The following PKD2L2 variants were observed in gnomAD, a reference collection of about 807,000 sequenced individuals.
The protein encoded by PKD2L2 is polycystin 2 like 2, transient receptor potential cation channel.
PKD2L2 carries 67 observed loss-of-function variants against 83.9 expected under a neutral mutation model. The ratio of observed to expected loss-of-function variants is 0.80; its 90% CI spans 0.66 to 0.98. PKD2L2 has a LOEUF of 0.98. Among genes scored for constraint, PKD2L2 ranks in the 50% least tolerant of loss-of-function variants. The pLI, the probability that PKD2L2 is intolerant of heterozygous loss-of-function variation, is 0.00. For synonymous variants in PKD2L2, 223 were observed against 237.8 expected, an observed-to-expected ratio of 0.94 and a Z score of 0.57; for missense variants, 632 against 717.2, an observed-to-expected ratio of 0.88 and a Z score of 1.36.
chr5:137,925,219 G>T (rs1198888887), intron 11 of PKD2L2, 115 bp downstream of exon 11: 1 of 673,716 alleles, frequency 1.5e-6, no homozygotes, highest in Admixed American at 2.7e-5. Flanking sequence ...ATAGAGATGG[G>T]GTTTCACCAT....
intron 4 of PKD2L2, among the ~76,000 whole-genome samples, chr5:137,898,515 T>G (rs896698227): frequency 3.9e-5 from 6 of 152,190 alleles, no homozygotes; most frequent in Non-Finnish European, 7.3e-5. Flanking sequence ...CGTCATTTTC[T>G]AGATTCTAAG....
chr5:137,899,489 C>A, intron 4 of PKD2L2, 27 bp from the exon 5 acceptor site: 1 of 1,349,544 alleles, frequency 7.4e-7, no homozygotes, highest in Non-Finnish European at 1.1e-6. Flanking sequence ...TTTGTCATTT[C>A]ACCATTATTC....
chr5:137,939,812 A>G, intron 14 of PKD2L2: 2 of 1,211,010 alleles, frequency 1.7e-6, no homozygotes, highest in Non-Finnish European at 2.1e-6. Context: ...TGTAAGAAAA[A>G]GGCAACAGAA....
chr5:137,890,592 CAG>C lies in PKD2L2; in HGVS notation c.133+12_133+13del. 8.9e-7 allele frequency: 1 copy of C among 1,119,532 alleles called. No individual in the cohort carries two copies. Among genetic ancestry groups the C allele is most frequent in the South Asian group, 1.5e-5 (1 of 66,720 alleles). 69.3% of individuals were successfully genotyped at this position (1,119,532 alleles called of 1,614,324 possible). A position where few individuals can be genotyped will look rare whatever the true frequency, so the allele number is the denominator to read the frequency against. On this transcript the variant is annotated intron_variant, in intron 2 of 14. Transcript: ENST00000508883. Reference sequence around the variant, plus strand: ...ATAAACCTATGTATATGTAAGTACACAGATATAAAGATGCTGTTTGTTTGAAC... The same window carrying C: ...ATAAACCTATGTATATGTAAGTACACATATAAAGATGCTGTTTGTTTGAAC...
intron 4 of PKD2L2, among the ~76,000 whole-genome samples, chr5:137,896,886 G>A (rs564400744): frequency 6.3e-4 from 92 of 147,068 alleles, no homozygotes; most frequent in African/African-American, 2.2e-3. Context: ...TTCCTTTCTT[G>A]AACAACCTGT....
At position 137,921,655 on chromosome 5, in the gene PKD2L2, G is replaced by A. The variant is rs1259687612; in HGVS notation, c.1348G>A (p.Val450Ile). ...TTAAAGATTTGCACAATTTCGAATT[G>A]TTCTTGGAGATTTTAATTTTGCTGG... ...QNSIFAQFRIVLGDFNFAGIQ... is the reference protein window; with the variant it reads ...QNSIFAQFRIILGDFNFAGIQ... Residue 450 changes from valine to isoleucine, a missense_variant, in exon 9 of 15, where the codon GTT becomes ATT. Transcript: ENST00000508883. 1.3e-6 allele frequency: 2 copies of A among 1,594,562 alleles called. No individual in the cohort carries two copies. Among genetic ancestry groups the A allele is most frequent in the Non-Finnish European group, 1.7e-6 (2 of 1,166,660 alleles).
At chr5:137,911,661 T>G (rs1347362765) in intron 8 of PKD2L2, among the ~76,000 whole-genome samples, 1 of 152,234 alleles carries the variant, frequency 6.6e-6, no homozygotes, top group African/African-American at 2.4e-5. Context: ...TTATCATTTT[T>G]GTGGTAAGAA....
chr5:137,893,850 G>A (rs1756208418), intron 3 of PKD2L2, among the ~76,000 whole-genome samples: 2 of 152,156 alleles, frequency 1.3e-5, no homozygotes, highest in African/African-American at 4.8e-5. Context: ...CTTTGTTATT[G>A]TGTTTTCTGA....
At position 137,937,011 on chromosome 5, in the gene PKD2L2, C is replaced by T. The variant is rs143052810; in HGVS notation, c.*17+584C>T. On this transcript the variant is annotated intron_variant, in intron 14 of 14. Coordinates refer to ENST00000508883, the MANE Select transcript of PKD2L2 (RefSeq NM_001300921.2). ...TACAAGAAAATGCTTCTAGTTCAGG[C>T]GGCAGGTCTCCAGTAGTTCAGTCAG... 2.0e-4 allele frequency among the ~76,000 whole-genome samples: 31 copies of T among 152,252 alleles called. No individual in the cohort carries two copies. In the East Asian group the frequency reaches 5.8e-3, roughly 28 times the overall value.
In PKD2L2 at chr5:137,935,822, A is replaced by C. The variant is rs772768834; in HGVS notation, c.1697A>C (p.Lys566Thr). 18 of 1,608,746 alleles carry C rather than the reference A, an allele frequency of 1.1e-5. No homozygotes were observed. Among genetic ancestry groups the C allele is most frequent in the Non-Finnish European group, 1.4e-5 (17 of 1,175,252 alleles). ...GAGATTCAAAACGCAGAGCAGATGA[A>C]AAAATGGAAAGAGAGGCTTGAGAAA... ...ENEIQNAEQMKKWKERLEKKY... is the reference protein window; with the variant it reads ...ENEIQNAEQMTKWKERLEKKY... Residue 566 changes from lysine to threonine, a missense_variant, in exon 13 of 15, where the codon AAA becomes ACA. Lys to Thr is a moderately conservative substitution (Grantham distance 78, BLOSUM62 -1). This residue lies in a region of PKD2L2 where 399 missense variants were observed against 416.9 expected (regional missense o/e 0.96). Transcript: ENST00000508883.
chr5:137,916,993 G>A (rs1282330964), intron 8 of PKD2L2, among the ~76,000 whole-genome samples: 2 of 151,968 alleles, frequency 1.3e-5, no homozygotes, highest in Non-Finnish European at 2.9e-5. Context: ...TGAGCTCCTT[G>A]GATGTTTAAA....
intron 8 of PKD2L2, among the ~76,000 whole-genome samples, chr5:137,919,257 G>A (rs1247239123): frequency 6.6e-6 from 1 of 152,126 alleles, no homozygotes; most frequent in Non-Finnish European, 1.5e-5. Flanking sequence ...GTATGTTGAG[G>A]CGTCATGGTG....
intron 5 of PKD2L2, among the ~76,000 whole-genome samples, chr5:137,901,613 T>G (rs1470107562): frequency 6.6e-6 from 1 of 152,224 alleles, no homozygotes; most frequent in Non-Finnish European, 1.5e-5. Context: ...GTCTTTTGGT[T>G]GTACAACAAG....
At chr5:137,909,034 A>C in intron 8 of PKD2L2, 88 bp downstream of exon 8, 1 of 703,012 alleles carries the variant, frequency 1.4e-6, no homozygotes. Context: ...ATAAGTAGTA[A>C]TATAAGCTTT....
At chr5:137,936,262 T>C in intron 13 of PKD2L2, 58 bp from the exon 14 acceptor site, 1 of 1,450,052 alleles carries the variant, frequency 6.9e-7, no homozygotes, top group Non-Finnish European at 9.3e-7. Flanking sequence ...AGTAACTTGC[T>C]GTCTATACAT....
At position 137,900,664 on chromosome 5, in the gene PKD2L2, C is replaced by T. The variant is rs548975000; in HGVS notation, c.746+927C>T. Among the ~76,000 whole-genome samples the T allele has an allele frequency of 2.6e-5, 4 of 152,304 alleles. No homozygotes were observed. In the East Asian group the frequency reaches 7.7e-4, roughly 29 times the overall value. On this transcript the variant is annotated intron_variant, in intron 5 of 14. Transcript: ENST00000508883. ...CCCTTTTTGCAAAATACCTTTTTAT[C>T]TCATTGAAAATGCAGCTTCTATGTG...
At chr5:137,936,480 G>A (rs1760415728) in intron 14 of PKD2L2, 53 bp downstream of exon 14, 1 of 1,434,070 alleles carries the variant, frequency 7.0e-7, no homozygotes, top group Non-Finnish European at 9.4e-7. Flanking sequence ...TTTTGAGACG[G>A]AGTCTCGCTC....
chr5:137,926,031 G>C, intron 12 of PKD2L2, 102 bp downstream of exon 12: 2 of 628,022 alleles, frequency 3.2e-6, no homozygotes, highest in Middle Eastern at 3.0e-4. Context: ...CTGTTTTTCA[G>C]AATAGTAATT....
chr5:137,930,167 AC>A (rs1759748448), intron 12 of PKD2L2, among the ~76,000 whole-genome samples: 1 of 152,202 alleles, frequency 6.6e-6, no homozygotes, highest in Non-Finnish European at 1.5e-5. Flanking sequence ...TAAGTTCTGT[AC>A]TCTCAGAAAA....
Sources: allele counts gnomAD v4.1 joint callset (sites outside exome capture counted in the v4.1 genomes callset), GRCh38; gene constraint gnomAD v4.1.1; regional missense constraint gnomAD v4.1.1; transcripts MANE v1.5; gene names NCBI Gene and HGNC (gene_info 2026-07-23, HGNC 2026-07-21).